Variants in NEDD9 observed in about 807,000 individuals in gnomAD.
NEDD9 encodes neural precursor cell expressed, developmentally down-regulated 9.
Under a neutral mutation model 76.6 loss-of-function variants are expected in NEDD9, and 26 were observed. The observed-to-expected ratio is 0.34, with a 90% confidence interval of 0.25 to 0.47. NEDD9 has a LOEUF of 0.47. Among genes scored for constraint, NEDD9 ranks in the 20% least tolerant of loss-of-function variants. NEDD9 has a pLI of 1.00. For missense variants in NEDD9, 937 were observed against 1,058.5 expected (o/e 0.89, Z 1.59); for synonymous variants, 392 against 414.2 (o/e 0.95, Z 0.65).
chr6:11,248,203 A>G (rs1759846858), intron 3 of NEDD9, among the ~76,000 whole-genome samples: 1 of 152,134 alleles, frequency 6.6e-6, no homozygotes, highest in Non-Finnish European at 1.5e-5. Flanking sequence ...TAAAAAAAAT[A>G]AAAACAATAG....
chr6:11,261,201 G>A (rs1023388826), intron 3 of NEDD9, among the ~76,000 whole-genome samples: 16 of 152,110 alleles, frequency 1.1e-4, no homozygotes, highest in South Asian at 2.1e-4. Context: ...ACATTGGTAC[G>A]CATCTTTTCC....
chr6:11,217,440 G>A (rs1467469718), intron 1 of NEDD9, among the ~76,000 whole-genome samples: 2 of 152,172 alleles, frequency 1.3e-5, no homozygotes, highest in Non-Finnish European at 2.9e-5. Flanking sequence ...GGTAGGGAAG[G>A]TCAACACAGA....
Position 11,378,789 on chromosome 6 carries a change from G to C in NEDD9, c.-214+3350C>G, listed in dbSNP as rs146583485. The stretch of plus-strand genomic sequence containing the variant: ...TTGACCTCTAGTTAAGTGAATTACA[G>C]ACCTTCACGAACCAGAGCTTCTAAT... On this transcript the variant is annotated intron_variant, in intron 1 of 3. Transcript: ENST00000397378. Among the ~76,000 whole-genome samples, 315 of 152,266 alleles carry C rather than the reference G, an allele frequency of 2.1e-3. 1 individual carries two copies. Among genetic ancestry groups the C allele is most frequent in the African/African-American group, 7.2e-3 (300 of 41,544 alleles).
chr6:11,348,138 CCAA>C (rs1762398477), intron 1 of NEDD9, among the ~76,000 whole-genome samples: 1 of 152,150 alleles, frequency 6.6e-6, no homozygotes, highest in African/African-American at 2.4e-5. Flanking sequence ...TTCCTATACA[CCAA>C]CAACAGTCAA....
chr6:11,200,350 G>A, intron 2 of NEDD9: 1 of 497,978 alleles, frequency 2.0e-6, no homozygotes, highest in Non-Finnish European at 3.6e-6. Context: ...TATGAGGCTG[G>A]CAGAAGGAAA....
At chr6:11,305,126 C>G (rs1412174545) in intron 3 of NEDD9, 1 of 1,289,132 alleles carries the variant, frequency 7.8e-7, no homozygotes, top group Non-Finnish European at 1.0e-6. Flanking sequence ...GTGCCCAGAG[C>G]TTTTTTATTT....
intron 1 of NEDD9, among the ~76,000 whole-genome samples, chr6:11,229,172 G>A (rs1250457112): frequency 6.6e-6 from 1 of 152,172 alleles, no homozygotes; most frequent in South Asian, 2.1e-4. Context: ...CTTTCAGAAT[G>A]CACCTTTCTT....
At chr6:11,197,307 G>C (rs144451401) in intron 2 of NEDD9, among the ~76,000 whole-genome samples, 2 of 150,704 alleles carry the variant, frequency 1.3e-5, no homozygotes, top group African/African-American at 2.4e-5. Context: ...AGTTACAAAG[G>C]CTTAGCCTTT....
rs761899775 is a variant in NEDD9, at chr6:11,190,575, T to C, written c.1294A>G (p.Thr432Ala). The stretch of plus-strand genomic sequence containing the variant: ...TATCCGTAACACCGCCAGTCGGTAG[T>C]GACCAGTGCCATTAGGCTGGAGACA... ...MGVSSLMALV[T>A]TDWRCYGYME... Residue 432 changes from threonine to alanine, a missense_variant, in exon 5 of 7, where the codon ACT becomes GCT. By Grantham distance (58) the Thr-to-Ala change is moderately conservative. Transcript: ENST00000379446. This position sits in a 1 kb window ranked among gnomAD's most constrained non-coding sequence, Gnocchi z 5.8. 3.7e-6 allele frequency: 6 copies of C among 1,614,104 alleles called. No homozygotes were observed. The African/African-American group carries it at 8.0e-5, about 22-fold the overall frequency.
At chr6:11,360,790 G>C (rs1241673199) in intron 1 of NEDD9, among the ~76,000 whole-genome samples, 1 of 152,166 alleles carries the variant, frequency 6.6e-6, no homozygotes, top group Non-Finnish European at 1.5e-5. Context: ...CTTTATAGCA[G>C]TGTGAGAACT....
At chr6:11,317,867 GA>G (rs1373209864) in intron 2 of NEDD9, among the ~76,000 whole-genome samples, 1 of 152,150 alleles carries the variant, frequency 6.6e-6, no homozygotes, top group African/African-American at 2.4e-5. Context: ...AGGGTGTTTT[GA>G]AATGAGATTA....
intron 1 of NEDD9, among the ~76,000 whole-genome samples, chr6:11,227,781 A>G (rs1479687564): frequency 1.4e-5 from 2 of 145,654 alleles, no homozygotes. Context: ...TCAATAAGTA[A>G]GGTAGTGCTA....
chr6:11,313,713 C>T (rs1161979138), intron 2 of NEDD9, among the ~76,000 whole-genome samples: 2 of 152,224 alleles, frequency 1.3e-5, no homozygotes, highest in East Asian at 3.8e-4. Flanking sequence ...TTTGACCTCT[C>T]ACTCTCTTTG....
At chr6:11,189,729 A>G (rs1758080978) in intron 5 of NEDD9, among the ~76,000 whole-genome samples, 1 of 152,184 alleles carries the variant, frequency 6.6e-6, no homozygotes, top group African/African-American at 2.4e-5. Context: ...AGGAGGTTGA[A>G]TAAGTTGGTC....
At chr6:11,355,806 CG>C (rs1436532474) in intron 1 of NEDD9, among the ~76,000 whole-genome samples, 1 of 152,058 alleles carries the variant, frequency 6.6e-6, no homozygotes, top group Non-Finnish European at 1.5e-5. Context: ...CTGCAAGCTC[CG>C]CCTCCTGTGT....
At chr6:11,215,864 A>G (rs190014196) in intron 1 of NEDD9, among the ~76,000 whole-genome samples, 110 of 152,344 alleles carry the variant, frequency 7.2e-4, no homozygotes, top group African/African-American at 2.5e-3. Context: ...AGATCTAATC[A>G]GCATAAATCA....
chr6:11,318,240 T>A (rs1008285954), intron 2 of NEDD9, among the ~76,000 whole-genome samples: 2 of 152,180 alleles, frequency 1.3e-5, no homozygotes, highest in Admixed American at 1.3e-4. Flanking sequence ...CATGATCACA[T>A]GAGCCAAGTT....
chr6:11,312,524 C>A (rs1482935925), intron 2 of NEDD9, among the ~76,000 whole-genome samples: 1 of 152,102 alleles, frequency 6.6e-6, no homozygotes, highest in African/African-American at 2.4e-5. Context: ...CTCTCTATAA[C>A]CCTTTCTTCA....
At chr6:11,286,868 C>T (rs1471501277) in intron 3 of NEDD9, among the ~76,000 whole-genome samples, 1 of 152,076 alleles carries the variant, frequency 6.6e-6, no homozygotes, top group Non-Finnish European at 1.5e-5. Context: ...GAGAAAACTT[C>T]TGGAGGTGAT....
Sources: allele counts gnomAD v4.1 joint callset (sites outside exome capture counted in the v4.1 genomes callset), GRCh38; gene constraint gnomAD v4.1.1; non-coding constraint Gnocchi (gnomAD v3.1); transcripts MANE v1.5; gene names NCBI Gene and HGNC (gene_info 2026-07-23, HGNC 2026-07-21).